KCNH8: variants seen among roughly 807,000 people sequenced by gnomAD.
KCNH8 encodes the protein potassium voltage-gated channel subfamily H member 8.
In KCNH8, 70 loss-of-function variants were observed where a neutral mutation model predicts 103.6. That is an observed-to-expected ratio of 0.68 (90% CI 0.56 to 0.82). KCNH8 has a LOEUF of 0.82. Ranked by LOEUF, KCNH8 falls within the 40% of genes least tolerant of loss-of-function variation. The pLI is 0.00. For missense variants in KCNH8, 1,217 were observed against 1,329.9 expected (o/e 0.92, Z 1.32); for synonymous variants, 498 against 489.4 (o/e 1.02, Z -0.23).
chr3:19,279,428 T>C (rs1174820713), intron 2 of KCNH8, among the ~76,000 whole-genome samples: 1 of 152,096 alleles, frequency 6.6e-6, no homozygotes, highest in Non-Finnish European at 1.5e-5. Context: ...GTTAATCGAC[T>C]TCCCTATCGT....
At position 19,498,799 on chromosome 3, in the gene KCNH8, A is replaced by G. The variant is rs533857526; in HGVS notation, c.2041-11564A>G. 1.5e-3 allele frequency among the ~76,000 whole-genome samples: 222 copies of G among 152,290 alleles called. 2 individuals are homozygous for G. Among genetic ancestry groups the G allele is most frequent in the African/African-American group, 5.1e-3 (210 of 41,544 alleles). Reference sequence around the variant, plus strand: ...TCTGTTTGTTAGTTTTCCTTCTAACAGACAGGACCCTCAGCTGCAGGTCTG... The same window carrying G: ...TCTGTTTGTTAGTTTTCCTTCTAACGGACAGGACCCTCAGCTGCAGGTCTG... On this transcript the variant is annotated intron_variant, in intron 11 of 15. Coordinates refer to ENST00000328405, the MANE Select transcript of KCNH8 (RefSeq NM_144633.3).
intron 5 of KCNH8, among the ~76,000 whole-genome samples, chr3:19,375,853 G>T (rs898403593): frequency 6.6e-6 from 1 of 152,192 alleles, no homozygotes; most frequent in Non-Finnish European, 1.5e-5. Flanking sequence ...AGGTCTGTTG[G>T]AGTACCCTAC....
chr3:19,398,704 TG>T (rs2066562304), intron 7 of KCNH8, among the ~76,000 whole-genome samples: 1 of 151,946 alleles, frequency 6.6e-6, no homozygotes, highest in Non-Finnish European at 1.5e-5. Flanking sequence ...CCAACCTCAG[TG>T]GGGTTACCAG....
chr3:19,482,611 A>G (rs138443783), intron 11 of KCNH8, among the ~76,000 whole-genome samples: 1 of 152,316 alleles, frequency 6.6e-6, no homozygotes, highest in African/African-American at 2.4e-5. Flanking sequence ...TCTTATTATA[A>G]AAGTTTTAAA....
At chr3:19,245,323 G>A (rs777717475) in intron 1 of KCNH8, among the ~76,000 whole-genome samples, 5 of 152,120 alleles carry the variant, frequency 3.3e-5, no homozygotes, top group Non-Finnish European at 7.4e-5. Flanking sequence ...CTATGTGTCT[G>A]TTTTTGTACC....
chr3:19,196,216 C>G (rs1253694838), intron 1 of KCNH8, among the ~76,000 whole-genome samples: 2 of 151,906 alleles, frequency 1.3e-5, no homozygotes, highest in African/African-American at 4.8e-5. Context: ...GGCCAGGATA[C>G]TTGCATATGC....
rs113787276 is a variant in KCNH8, at chr3:19,342,776, G to A, written c.570+62G>A. On this transcript the variant is annotated intron_variant, in intron 4 of 15. Coordinates refer to ENST00000328405, the MANE Select transcript of KCNH8 (RefSeq NM_144633.3). ...TTCCCCTGGTGGCAATGTTTGACTC[G>A]CTAAAGAAAGGCCTCAATTACCCAT... The A allele has an allele frequency of 1.1e-4, 168 of 1,475,996 alleles. No homozygotes were observed. In the African/African-American group the frequency reaches 2.0e-3, roughly 18 times the overall value. 91.4% of individuals were successfully genotyped at this position (1,475,996 alleles called of 1,614,324 possible).
intron 8 of KCNH8, among the ~76,000 whole-genome samples, chr3:19,446,790 G>A (rs1160720936): frequency 2.6e-5 from 4 of 151,726 alleles, no homozygotes; most frequent in African/African-American, 9.7e-5. Flanking sequence ...AGAGAAGGGG[G>A]AAGAAAAAGG....
intron 3 of KCNH8, among the ~76,000 whole-genome samples, chr3:19,300,184 G>A (rs953952541): frequency 2.6e-5 from 4 of 151,928 alleles, no homozygotes; most frequent in African/African-American, 9.7e-5. Context: ...GGGAGGCAGA[G>A]GTTGCAGTGA....
chr3:19,419,073 A>G (rs562068618), intron 7 of KCNH8, among the ~76,000 whole-genome samples: 7 of 152,154 alleles, frequency 4.6e-5, no homozygotes, highest in Non-Finnish European at 8.8e-5. Context: ...CTAGTTACAC[A>G]TCTGGAATAA....
intron 5 of KCNH8, among the ~76,000 whole-genome samples, chr3:19,366,031 C>T (rs1334852515): frequency 1.3e-5 from 2 of 152,000 alleles, no homozygotes; most frequent in Non-Finnish European, 2.9e-5. Context: ...GCTTATAACA[C>T]ATCTTTTTTT....
chr3:19,157,659 T>C (rs1311059167), intron 1 of KCNH8, among the ~76,000 whole-genome samples: 2 of 152,072 alleles, frequency 1.3e-5, no homozygotes, highest in African/African-American at 4.8e-5. Flanking sequence ...TTCAAATTAA[T>C]GGATGAAAAG....
intron 5 of KCNH8, among the ~76,000 whole-genome samples, chr3:19,350,437 G>A (rs1351140491): frequency 1.3e-5 from 2 of 152,062 alleles, no homozygotes; most frequent in African/African-American, 2.4e-5. Flanking sequence ...CCTCAAGTGG[G>A]TCCCTGACCC....
intron 1 of KCNH8, among the ~76,000 whole-genome samples, chr3:19,182,776 A>G (rs2063467871): frequency 1.3e-5 from 2 of 152,344 alleles, no homozygotes; most frequent in Admixed American, 1.3e-4. Flanking sequence ...AGTGAGGGTA[A>G]GTAAGAACAA....
intron 5 of KCNH8, among the ~76,000 whole-genome samples, chr3:19,360,880 G>A (rs1174260686): frequency 1.3e-5 from 2 of 152,004 alleles, no homozygotes; most frequent in Non-Finnish European, 2.9e-5. Context: ...AGGAAGTACA[G>A]GCAAATTAAA....
At chr3:19,336,286 T>C (rs1010527398) in intron 3 of KCNH8, among the ~76,000 whole-genome samples, 9 of 151,764 alleles carry the variant, frequency 5.9e-5, no homozygotes, top group Non-Finnish European at 1.5e-5. Context: ...TCCAAAAGTC[T>C]ATAAATTTAC....
At chr3:19,321,231 T>G (rs2125303800) in intron 3 of KCNH8, among the ~76,000 whole-genome samples, 1 of 152,066 alleles carries the variant, frequency 6.6e-6, no homozygotes, top group African/African-American at 2.4e-5. Context: ...TGGGTTTGGG[T>G]TTGGTATGTT....
intron 7 of KCNH8, among the ~76,000 whole-genome samples, chr3:19,417,082 C>T (rs897489874): frequency 1.7e-4 from 25 of 151,442 alleles, no homozygotes; most frequent in African/African-American, 6.1e-4. Flanking sequence ...ATAGTGTCAG[C>T]TAACTAACTT....
chr3:19,440,101 A>ATAG (rs2067259581), intron 8 of KCNH8, among the ~76,000 whole-genome samples: 1 of 151,960 alleles, frequency 6.6e-6, no homozygotes, highest in Non-Finnish European at 1.5e-5. Context: ...AGGAGAACCA[A>ATAG]CATATGTATA....
Sources: allele counts gnomAD v4.1 joint callset (sites outside exome capture counted in the v4.1 genomes callset), GRCh38; gene constraint gnomAD v4.1.1; transcripts MANE v1.5; gene names NCBI Gene and HGNC (gene_info 2026-07-23, HGNC 2026-07-21).